Variants in MTBP observed in about 807,000 individuals in gnomAD.
MTBP encodes mdm2-binding protein.
MTBP carries 101 observed loss-of-function variants against 117.0 expected under a neutral mutation model. The observed-to-expected ratio is 0.86, with a 90% CI of 0.73 to 1.02. The LOEUF (loss-of-function observed/expected upper bound fraction) is 1.02. MTBP is among the 50% of genes least tolerant of loss of function. The pLI, the probability that MTBP is intolerant of heterozygous loss-of-function variation, is 0.00. For missense variants in MTBP, 970 were observed against 1,030.9 expected, an observed-to-expected ratio of 0.94 and a Z score of 0.81; for synonymous variants, 350 against 351.5, an observed-to-expected ratio of 1.00 and a Z score of 0.05.
chr8:120,480,926 A>G (rs1436841077), intron 11 of MTBP, among the ~76,000 whole-genome samples: 1 of 152,260 alleles, frequency 6.6e-6, no homozygotes, highest in Non-Finnish European at 1.5e-5. Flanking sequence ...TAAAGAAAAT[A>G]GTTCCAGTCG....
At chr8:120,492,553 GA>G (rs1814367605) in intron 13 of MTBP, among the ~76,000 whole-genome samples, 2 of 152,052 alleles carry the variant, frequency 1.3e-5, no homozygotes, top group African/African-American at 4.8e-5. Context: ...AGTGTTTACA[GA>G]AAAACAAAAT....
At chr8:120,479,531 A>T (rs566993014) in intron 11 of MTBP, among the ~76,000 whole-genome samples, 41 of 152,318 alleles carry the variant, frequency 2.7e-4, no homozygotes, top group Non-Finnish European at 3.8e-4. Context: ...ACTTAACTTT[A>T]TACTCATTCT....
intron 11 of MTBP, 134 bp downstream of exon 11, chr8:120,471,071 A>G (rs1813806897): frequency 3.3e-6 from 2 of 613,176 alleles, no homozygotes; most frequent in East Asian, 2.9e-5. Flanking sequence ...AGGAGTCCAC[A>G]TCATTTTAAG....
rs200040738 is a variant in MTBP at position 120,510,925 on chromosome 8, AAAAG to A, written c.1979+899_1979+902del. On this transcript the variant is annotated intron_variant, in intron 17 of 21. Transcript: ENST00000305949. ...CCCTGTCTCAAGAAAAAAAAAAAAA[AAAAG>A]AATTTGAAGACTTTGAAATTAGCAG... is the stretch of plus-strand genomic sequence containing the variant. Among the ~76,000 whole-genome samples the A allele has an allele frequency of 4.5e-3, 679 of 152,206 alleles. 11 individuals carry two copies. The highest frequency in any genetic ancestry group is 4.1e-3 in the Admixed American group (63 of 15,286).
intron 17 of MTBP, among the ~76,000 whole-genome samples, chr8:120,515,229 G>A (rs1044400157): frequency 6.6e-6 from 1 of 152,026 alleles, no homozygotes; most frequent in East Asian, 1.9e-4. Flanking sequence ...GGAAGAAAGT[G>A]AAGAGTTGTC....
intron 11 of MTBP, 111 bp downstream of exon 11, chr8:120,471,048 G>A: frequency 1.4e-6 from 1 of 715,438 alleles, no homozygotes; most frequent in East Asian, 2.7e-5. Flanking sequence ...TCATATTATT[G>A]CTACTGATTA....
intron 11 of MTBP, chr8:120,473,810 A>C (rs1021800785): frequency 2.0e-5 from 3 of 152,094 alleles, no homozygotes; most frequent in Non-Finnish European, 4.4e-5. Flanking sequence ...CGCTTATTCT[A>C]CATATAGTCA....
chr8:120,518,722 A>G lies in MTBP; in HGVS notation c.2515A>G (p.Thr839Ala). ...GTTCAAGATACTGAAAGAAGTAGTT[A>G]CTGAAACCCTGAAGAAACACAGTAT... ...KHTRILKEVVTETLKKHSITE... is the reference protein window; with the variant it reads ...KHTRILKEVVAETLKKHSITE... Residue 839 changes from threonine to alanine, a missense_variant, in exon 20 of 22, where the codon ACT becomes GCT. Coordinates refer to ENST00000305949, the MANE Select transcript of MTBP (RefSeq NM_022045.5). The G allele has an allele frequency of 6.2e-7, 1 of 1,608,654 alleles. No homozygotes were observed. Among genetic ancestry groups the G allele is most frequent in the East Asian group, 2.2e-5 (1 of 44,782 alleles).
intron 16 of MTBP, among the ~76,000 whole-genome samples, chr8:120,508,756 T>C (rs1814741825): frequency 1.3e-5 from 2 of 152,320 alleles, no homozygotes; most frequent in South Asian, 4.1e-4. Context: ...CTCAAGCCCC[T>C]GGTATTTCAT....
rs761934662 is a variant in MTBP at position 120,463,780 on chromosome 8, G to A, written c.1047+19G>A. 2 of 1,604,444 alleles carry A rather than the reference G, an allele frequency of 1.2e-6. No individual in the cohort carries two copies. The highest frequency in any genetic ancestry group is 3.4e-5 in the Admixed American group (2 of 58,818). ...TAGCAAGGTATTGAGGGTTTCTTGG[G>A]GGTTTTTTGTTTGTTTGTTTTTATA... On this transcript the variant is annotated intron_variant, in intron 10 of 21. Coordinates refer to ENST00000305949, the MANE Select transcript of MTBP (RefSeq NM_022045.5).
At chr8:120,490,432 A>T (rs368347214) in intron 12 of MTBP, 31 bp from the exon 13 acceptor site, 2 of 1,402,518 alleles carry the variant, frequency 1.4e-6, no homozygotes, top group African/African-American at 2.9e-5. Context: ...GGCATCATTA[A>T]TGTTGACCTT....
intron 11 of MTBP, 91 bp from the exon 12 acceptor site, chr8:120,488,068 A>T: frequency 9.2e-7 from 1 of 1,091,210 alleles, no homozygotes; most frequent in Non-Finnish European, 1.3e-6. Context: ...ATAACAAAAA[A>T]TTTTATTATA....
chr8:120,476,520 C>G (rs1255704172), intron 11 of MTBP, among the ~76,000 whole-genome samples: 1 of 152,000 alleles, frequency 6.6e-6, no homozygotes, highest in African/African-American at 2.4e-5. Context: ...TCGTCTCAGC[C>G]CAAAATCTCC....
chr8:120,449,200 C>T (rs1330212664), intron 2 of MTBP, among the ~76,000 whole-genome samples: 2 of 151,810 alleles, frequency 1.3e-5, no homozygotes, highest in Admixed American at 6.6e-5. Flanking sequence ...CCTACCTTAG[C>T]GTTGAATTGG....
intron 16 of MTBP, among the ~76,000 whole-genome samples, chr8:120,508,862 G>T (rs1199826179): frequency 6.6e-6 from 1 of 152,126 alleles, no homozygotes; most frequent in Non-Finnish European, 1.5e-5. Context: ...TTACAACAGT[G>T]GTTTCCAGCT....
intron 18 of MTBP, among the ~76,000 whole-genome samples, chr8:120,517,632 T>C (rs545445234): frequency 6.6e-5 from 10 of 150,924 alleles, no homozygotes; most frequent in East Asian, 1.9e-4. Context: ...CACTATAACA[T>C]AGTGGTATAG....
Position 120,463,776 on chromosome 8 carries a change from T to G in MTBP, c.1047+15T>G, listed in dbSNP as rs1563788181. The G allele has an allele frequency of 6.2e-7, 1 of 1,606,430 alleles. No homozygotes were observed. The highest frequency in any genetic ancestry group is 1.7e-4 in the Middle Eastern group (1 of 6,008). On this transcript the variant is annotated intron_variant, in intron 10 of 21. Coordinates refer to ENST00000305949, the MANE Select transcript of MTBP (RefSeq NM_022045.5). ...TGTGTAGCAAGGTATTGAGGGTTTC[T>G]TGGGGGTTTTTTGTTTGTTTGTTTT...
In MTBP at chr8:120,520,355, T is replaced by A. The variant is rs112164652; in HGVS notation, c.2610+1538T>A. Among the ~76,000 whole-genome samples, 1,198 of 151,928 alleles carry A rather than the reference T, an allele frequency of 7.9e-3. 18 individuals carry two copies. The highest frequency in any genetic ancestry group is 0.027 in the African/African-American group (1,119 of 41,422). ...GGCTGAACAGTTGAGATGAAAAAAATTTACCAGAAATTAGAATCAAATGAC... is the reference window on the plus strand; with the variant it reads ...GGCTGAACAGTTGAGATGAAAAAAAATTACCAGAAATTAGAATCAAATGAC... On this transcript the variant is annotated intron_variant, in intron 20 of 21. Coordinates refer to ENST00000305949, the MANE Select transcript of MTBP (RefSeq NM_022045.5).
At chr8:120,515,866 G>T in intron 17 of MTBP, 59 bp from the exon 18 acceptor site, 1 of 1,457,852 alleles carries the variant, frequency 6.9e-7, no homozygotes, top group Non-Finnish European at 9.4e-7. Context: ...CTCATTGAAA[G>T]GGGAAAGTCT....
Sources: allele counts gnomAD v4.1 joint callset (sites outside exome capture counted in the v4.1 genomes callset), GRCh38; gene constraint gnomAD v4.1.1; transcripts MANE v1.5; gene names NCBI Gene and HGNC (gene_info 2026-07-23, HGNC 2026-07-21).